The following NCS1 variants were observed in gnomAD, a reference collection of about 807,000 sequenced individuals.
NCS1 encodes neuronal calcium sensor 1.
A neutral mutation model predicts 28.4 loss-of-function variants in NCS1; 6 were observed. That is an observed-to-expected ratio of 0.21 (90% CI 0.12 to 0.42). The LOEUF (loss-of-function observed/expected upper bound fraction) is 0.42, where lower values mean the gene tolerates loss of function less well. Among genes scored for constraint, NCS1 ranks in the 10% least tolerant of loss-of-function variants. The pLI, the probability that NCS1 is intolerant of heterozygous loss-of-function variation, is 1.00. For synonymous variants in NCS1, 86 were observed against 99.3 expected, an observed-to-expected ratio of 0.87 and a Z score of 0.79; for missense variants, 131 against 241.4, an observed-to-expected ratio of 0.54 and a Z score of 3.03.
At position 130,177,814 on chromosome 9, in the gene NCS1, A is replaced by G. The variant is rs1832595421; in HGVS notation, c.64+5087A>G. 6.6e-6 allele frequency among the ~76,000 whole-genome samples: 1 copy of G among 152,170 alleles called. No homozygotes were observed. Among genetic ancestry groups the G allele is most frequent in the Non-Finnish European group, 1.5e-5 (1 of 68,020 alleles). ...TCCGGGGAGCGGGCCAGAAAGACAA[A>G]GGGGTTGTTTGGCAGGAGAGTCCCT... On this transcript the variant is annotated intron_variant, in intron 1 of 7. Transcript: ENST00000372398. The surrounding 1 kb of genome is among the most constrained non-coding windows in gnomAD (Gnocchi z 4.4).
In NCS1 at chr9:130,222,755, C is replaced by A; in HGVS notation, c.396+17C>A. 1 of 1,613,008 alleles carries A rather than the reference C, an allele frequency of 6.2e-7. No individual in the cohort carries two copies. Among genetic ancestry groups the A allele is most frequent in the South Asian group, 1.1e-5 (1 of 91,032 alleles). On this transcript the variant is annotated intron_variant, in intron 5 of 7. Transcript: ENST00000372398. ...CAGATGGTGGTGAGAAGCCGGGTCT[C>A]GTGTGGTTAGGGGTGGCAGGAGGGG...
intron 4 of NCS1, among the ~76,000 whole-genome samples, chr9:130,220,998 C>T (rs1376032741): frequency 1.3e-5 from 2 of 151,944 alleles, no homozygotes; most frequent in Non-Finnish European, 2.9e-5. Flanking sequence ...TCGGCCCTGG[C>T]AGCCCAATGC....
intron 1 of NCS1, among the ~76,000 whole-genome samples, chr9:130,189,858 C>CAAA (rs869189538): frequency 5.8e-4 from 25 of 43,114 alleles, no homozygotes; most frequent in African/African-American, 1.7e-3. Flanking sequence ...GACTCCATCT[C>CAAA]AAAAAAAAAA....
At chr9:130,202,478 A>G (rs558495426) in intron 2 of NCS1, among the ~76,000 whole-genome samples, 1 of 151,680 alleles carries the variant, frequency 6.6e-6, no homozygotes, top group Admixed American at 6.6e-5. Flanking sequence ...CGGCACTCTG[A>G]GGGCTGGCTA....
chr9:130,173,199 T>TGGGGG (rs372844368), intron 1 of NCS1, among the ~76,000 whole-genome samples: 3 of 119,826 alleles, frequency 2.5e-5, no homozygotes, highest in African/African-American at 1.0e-4. Context: ...CCCGTTCGTG[T>TGGGGG]GGGGGGGGGG....
At chr9:130,222,273 A>G (rs1326887051) in intron 4 of NCS1, among the ~76,000 whole-genome samples, 3 of 150,734 alleles carry the variant, frequency 2.0e-5, no homozygotes, top group African/African-American at 7.3e-5. Flanking sequence ...TCCCACCTCA[A>G]CCTCCCAAGT....
chr9:130,225,407 CAG>C (rs1333763711), intron 6 of NCS1, among the ~76,000 whole-genome samples: 1 of 152,280 alleles, frequency 6.6e-6, no homozygotes, highest in Non-Finnish European at 1.5e-5. Context: ...GATTTATCGA[CAG>C]AGTGTGGAGC....
intron 7 of NCS1, among the ~76,000 whole-genome samples, chr9:130,229,270 T>C (rs1408126777): frequency 2.0e-5 from 3 of 151,400 alleles, no homozygotes; most frequent in African/African-American, 7.3e-5. Context: ...TATTTCTTTT[T>C]TTTTTTTTTT....
chr9:130,201,123 T>C lies in NCS1; in HGVS notation c.89+141T>C, dbSNP rs888649807. On this transcript the variant is annotated intron_variant, in intron 2 of 7. Transcript: ENST00000372398. The stretch of plus-strand genomic sequence containing the variant: ...CTGAGCGTGGGGTCCAGACAGCCTT[T>C]GTTCAGTGGCCTTTGTCCTTGCGGG... The C allele has an allele frequency of 5.2e-5, 60 of 1,154,250 alleles. No homozygotes were observed. In the African/African-American group the frequency reaches 6.9e-4, roughly 13 times the overall value. The allele number at this position is 1,154,250 out of a possible 1,614,324, so 71.5% of individuals were successfully genotyped here.
chr9:130,175,457 G>C lies in NCS1; in HGVS notation c.64+2730G>C, dbSNP rs1832551386. ...GATTTCCGATTCTTTAGGTCTGGCT[G>C]GGGCCCAGGAATTTGCATCCTTGAC... On this transcript the variant is annotated intron_variant, in intron 1 of 7. Coordinates refer to ENST00000372398, the MANE Select transcript of NCS1 (RefSeq NM_014286.4). This position sits in a 1 kb window ranked among gnomAD's most constrained non-coding sequence, Gnocchi z 4.9. 6.6e-6 allele frequency among the ~76,000 whole-genome samples: 1 copy of C among 152,194 alleles called. No homozygotes were observed. Among genetic ancestry groups the C allele is most frequent in the Non-Finnish European group, 1.5e-5 (1 of 68,034 alleles).
intron 4 of NCS1, among the ~76,000 whole-genome samples, chr9:130,221,350 A>AT (rs1833284750): frequency 7.3e-6 from 1 of 137,714 alleles, no homozygotes; most frequent in African/African-American, 2.9e-5. Context: ...ATATATATAT[A>AT]AAATATTTAA....
At chr9:130,189,952 T>C (rs1557127) in intron 1 of NCS1, among the ~76,000 whole-genome samples, 134,200 of 134,724 alleles carry the variant, frequency 1, 66,840 homozygotes, top group East Asian at 1. Flanking sequence ...AGATGTGGCT[T>C]ACTTCCTTTT....
At chr9:130,178,414 A>G (rs10819609) in intron 1 of NCS1, among the ~76,000 whole-genome samples, 29,289 of 152,132 alleles carry the variant, frequency 0.19, 3,581 homozygotes, top group East Asian at 0.6. Flanking sequence ...ACCCCACAGA[A>G]TTCTCCCATC....
intron 1 of NCS1, among the ~76,000 whole-genome samples, chr9:130,194,523 C>T (rs562055556): frequency 1.4e-4 from 22 of 152,302 alleles, no homozygotes; most frequent in African/African-American, 4.1e-4. Context: ...CCAGCCCCCC[C>T]TCTCCCAGGG....
At chr9:130,205,323 C>T (rs1415448218) in intron 2 of NCS1, among the ~76,000 whole-genome samples, 4 of 152,026 alleles carry the variant, frequency 2.6e-5, no homozygotes, top group Non-Finnish European at 5.9e-5. Flanking sequence ...CGCAGCAAAA[C>T]AGGGACCCTC....
rs534826398 is a variant in NCS1, at chr9:130,226,754, C to T, written c.*17+250C>T. Among the ~76,000 whole-genome samples, 13 of 152,188 alleles carry T rather than the reference C, an allele frequency of 8.5e-5. No homozygotes were observed. The highest frequency in any genetic ancestry group is 7.8e-4 in the East Asian group (4 of 5,158). On this transcript the variant is annotated intron_variant, in intron 7 of 7. Coordinates refer to ENST00000372398, the MANE Select transcript of NCS1 (RefSeq NM_014286.4). This position sits in a 1 kb window ranked among gnomAD's most constrained non-coding sequence, Gnocchi z 4.8. ...TGCTTGAACAGAATTTTTCTGGGCGCGGTGGCTCACGCCTGTAATCCCAGC... is the reference window on the plus strand; with the variant it reads ...TGCTTGAACAGAATTTTTCTGGGCGTGGTGGCTCACGCCTGTAATCCCAGC...
Position 130,172,669 on chromosome 9 carries a change from GA to G in NCS1, c.9del (p.Lys3AsnfsTer6). On this transcript the variant is annotated frameshift_variant, in exon 1 of 8. Coordinates refer to ENST00000372398, the MANE Select transcript of NCS1 (RefSeq NM_014286.4). LOFTEE classifies it high-confidence loss of function. Reference sequence around the variant, plus strand: ...GGGGGCCGCGGCCGCCGAGGATGGGGAAATCCAACAGCAAGTTGAAGCCCGA... The same window carrying G: ...GGGGGCCGCGGCCGCCGAGGATGGGGAATCCAACAGCAAGTTGAAGCCCGA... MG[K>X]SNSKLKPEVV... 2 of 1,496,016 alleles carry G rather than the reference GA, an allele frequency of 1.3e-6. No individual in the cohort carries two copies. Among genetic ancestry groups the G allele is most frequent in the South Asian group, 1.2e-5 (1 of 81,090 alleles). The allele number at this position is 1,496,016 out of a possible 1,614,324, so 92.7% of individuals were successfully genotyped here.
chr9:130,221,678 C>T (rs868966120), intron 4 of NCS1, among the ~76,000 whole-genome samples: 6 of 145,380 alleles, frequency 4.1e-5, no homozygotes, highest in East Asian at 2.0e-4. Flanking sequence ...GTGATCTGCC[C>T]GCCTCGGCCT....
intron 1 of NCS1, among the ~76,000 whole-genome samples, chr9:130,190,085 C>T (rs1832798689): frequency 7.0e-6 from 1 of 143,182 alleles, no homozygotes; most frequent in African/African-American, 2.6e-5. Context: ...GTCATTGGAA[C>T]AAGTTCCTTT....
Sources: gnomAD v4.1 joint callset for allele counts (sites outside exome capture counted in the v4.1 genomes callset) on GRCh38, gnomAD v4.1.1 for gene constraint, Gnocchi (gnomAD v3.1) non-coding constraint, MANE v1.5 for transcripts, NCBI Gene and HGNC (gene_info 2026-07-23, HGNC 2026-07-21) for gene names.